Variants in GTF2F2 observed in about 807,000 individuals in gnomAD.
GTF2F2 encodes general transcription factor IIF subunit 2.
GTF2F2 carries 23 observed loss-of-function variants against 42.2 expected under a neutral mutation model. The observed-to-expected ratio is 0.55, with a 90% confidence interval of 0.39 to 0.77. The LOEUF is 0.77. GTF2F2 is among the 30% of genes least tolerant of loss of function. The pLI is 0.00. For synonymous variants in GTF2F2, 105 were observed against 100.8 expected (o/e 1.04, Z -0.25); for missense variants, 261 against 287.2 (o/e 0.91, Z 0.66).
Position 45,199,238 on chromosome 13 carries a change from T to G in GTF2F2, c.305-8186T>G, listed in dbSNP as rs190478713. On this transcript the variant is annotated intron_variant, in intron 4 of 7. Coordinates refer to ENST00000340473, the MANE Select transcript of GTF2F2 (RefSeq NM_004128.3). ...CGTCTTCAAGGAAGCCCAGGAAAAT[T>G]GCCTACATTGGTAAATGTTTTAGCT... Among the ~76,000 whole-genome samples the G allele has an allele frequency of 2.2e-4, 33 of 152,352 alleles. No homozygotes were observed. The East Asian group carries it at 5.6e-3, about 26-fold the overall frequency.
chr13:45,172,899 CT>C (rs896733762), intron 4 of GTF2F2, among the ~76,000 whole-genome samples: 4 of 151,230 alleles, frequency 2.6e-5, no homozygotes, highest in Admixed American at 1.3e-4. Context: ...CTCCACCTTT[CT>C]TTTTTTTTCA....
chr13:45,141,116 A>G (rs1481037850), intron 2 of GTF2F2, among the ~76,000 whole-genome samples: 1 of 152,216 alleles, frequency 6.6e-6, no homozygotes, highest in Non-Finnish European at 1.5e-5. Context: ...GAAAACCTCT[A>G]TGTAAAGAAA....
At chr13:45,169,928 T>A (rs1009111826) in intron 4 of GTF2F2, among the ~76,000 whole-genome samples, 1 of 152,208 alleles carries the variant, frequency 6.6e-6, no homozygotes, top group Non-Finnish European at 1.5e-5. Flanking sequence ...ATATTAGAAA[T>A]ATTAAGCTTC....
rs181897778 is a variant in GTF2F2 at position 45,158,183 on chromosome 13, G to A, written c.304+6352G>A. On this transcript the variant is annotated intron_variant, in intron 4 of 7. Transcript: ENST00000340473. ...CCACATGTTGTGAGAGGGACCTGGT[G>A]GGAGATAATTGAATCATGGAGGCAG... Among the ~76,000 whole-genome samples the A allele has an allele frequency of 2.2e-4, 33 of 152,272 alleles. No individual in the cohort carries two copies. The East Asian group carries it at 6.2e-3, about 28-fold the overall frequency.
At chr13:45,169,492 A>G (rs1871488208) in intron 4 of GTF2F2, among the ~76,000 whole-genome samples, 1 of 152,212 alleles carries the variant, frequency 6.6e-6, no homozygotes, top group South Asian at 2.1e-4. Flanking sequence ...CAGTCTGTGG[A>G]AATTTGTTAT....
At chr13:45,234,387 C>CGGCT (rs1381808653) in intron 5 of GTF2F2, among the ~76,000 whole-genome samples, 3 of 152,090 alleles carry the variant, frequency 2.0e-5, no homozygotes, top group Admixed American at 2.0e-4. Context: ...TGTAAATCAT[C>CGGCT]AACTATTTTC....
chr13:45,140,349 A>AT (rs1261256721), intron 2 of GTF2F2, among the ~76,000 whole-genome samples: 1 of 152,192 alleles, frequency 6.6e-6, no homozygotes, highest in Non-Finnish European at 1.5e-5. Flanking sequence ...TTCTCAAGGA[A>AT]TGATTGAGTA....
intron 4 of GTF2F2, among the ~76,000 whole-genome samples, chr13:45,164,530 A>T (rs76507202): frequency 9.7e-4 from 148 of 152,272 alleles, no homozygotes; most frequent in African/African-American, 3.4e-3. Flanking sequence ...CCCAGAAGTT[A>T]GAGACCAGCC....
chr13:45,130,106 A>G (rs1371738660), intron 1 of GTF2F2, among the ~76,000 whole-genome samples: 1 of 152,252 alleles, frequency 6.6e-6, no homozygotes, highest in Non-Finnish European at 1.5e-5. Context: ...GGGTCACCTA[A>G]GACATTATAG....
rs922796694 is a variant in GTF2F2 at position 45,231,677 on chromosome 13, AT to A, written c.387-21184del. On this transcript the variant is annotated intron_variant, in intron 5 of 7. Transcript: ENST00000340473. ...TGAAAGGGTGACTACTCTTTCTCTCATTTTTTTTTTCCTGGCTTGATTTGGC... is the reference window on the plus strand; with the variant it reads ...TGAAAGGGTGACTACTCTTTCTCTCATTTTTTTTTCCTGGCTTGATTTGGC... Among the ~76,000 whole-genome samples the A allele has an allele frequency of 5.7e-4, 84 of 148,382 alleles. 1 individual carries two copies. The highest frequency in any genetic ancestry group is 1.1e-3 in the Non-Finnish European group (75 of 66,978).
chr13:45,172,818 A>G (rs1871665937), intron 4 of GTF2F2, among the ~76,000 whole-genome samples: 1 of 152,212 alleles, frequency 6.6e-6, no homozygotes, highest in Admixed American at 6.5e-5. Flanking sequence ...TCCTCATGCC[A>G]GTACCACACA....
intron 4 of GTF2F2, among the ~76,000 whole-genome samples, chr13:45,201,765 C>A (rs145678852): frequency 6.6e-6 from 1 of 152,064 alleles, no homozygotes; most frequent in Non-Finnish European, 1.5e-5. Context: ...AAAAGGAGTG[C>A]GGGGGAGAAT....
intron 7 of GTF2F2, among the ~76,000 whole-genome samples, chr13:45,269,040 G>A (rs1475461511): frequency 6.6e-6 from 1 of 152,020 alleles, no homozygotes; most frequent in African/African-American, 2.4e-5. Context: ...TTGTTCTGGG[G>A]AACATATCAT....
intron 5 of GTF2F2, among the ~76,000 whole-genome samples, chr13:45,246,801 G>T (rs576016214): frequency 6.6e-6 from 1 of 152,138 alleles, no homozygotes; most frequent in Non-Finnish European, 1.5e-5. Flanking sequence ...ACTTTGGGAG[G>T]CCAATGCGGG....
intron 5 of GTF2F2, among the ~76,000 whole-genome samples, chr13:45,228,542 C>T (rs1365869795): frequency 5.3e-5 from 8 of 151,102 alleles, no homozygotes; most frequent in Admixed American, 6.6e-5. Flanking sequence ...TTACCATGCT[C>T]ACACACCGTT....
intron 7 of GTF2F2, among the ~76,000 whole-genome samples, chr13:45,280,189 G>A: frequency 6.6e-6 from 1 of 152,212 alleles, no homozygotes; most frequent in East Asian, 1.9e-4. Context: ...GAAATGGGAA[G>A]CATGCGTGAG....
At chr13:45,223,322 A>G (rs1874197614) in intron 5 of GTF2F2, among the ~76,000 whole-genome samples, 1 of 150,888 alleles carries the variant, frequency 6.6e-6, no homozygotes, top group Non-Finnish European at 1.5e-5. Context: ...GCAGTTGTAT[A>G]GGAGAAACAA....
chr13:45,254,918 G>T (rs1876036661), intron 6 of GTF2F2, among the ~76,000 whole-genome samples: 1 of 152,074 alleles, frequency 6.6e-6, no homozygotes, highest in Non-Finnish European at 1.5e-5. Flanking sequence ...TGTAATCCCA[G>T]CACTTTGGGA....
intron 4 of GTF2F2, among the ~76,000 whole-genome samples, chr13:45,153,698 C>T (rs1870611621): frequency 6.6e-6 from 1 of 152,152 alleles, no homozygotes; most frequent in South Asian, 2.1e-4. Flanking sequence ...TTAGGTTTGG[C>T]CGGGCATGGT....
Sources: allele counts gnomAD v4.1 joint callset (sites outside exome capture counted in the v4.1 genomes callset), GRCh38; gene constraint gnomAD v4.1.1; transcripts MANE v1.5; gene names NCBI Gene and HGNC (gene_info 2026-07-23, HGNC 2026-07-21).